Variants in SPATS2L observed in about 807,000 individuals in gnomAD.
SPATS2L encodes the protein SPATS2-like protein.
A neutral mutation model predicts 59.6 loss-of-function variants in SPATS2L; 30 were observed. The observed-to-expected ratio is 0.50, with a 90% confidence interval of 0.38 to 0.68. The LOEUF (loss-of-function observed/expected upper bound fraction) is 0.68. Ranked by LOEUF, SPATS2L falls within the 30% of genes least tolerant of loss-of-function variation. The pLI is 0.00. For missense variants in SPATS2L, 615 were observed against 700.0 expected (o/e 0.88, Z 1.37); for synonymous variants, 252 against 263.5 (o/e 0.96, Z 0.42).
intron 2 of SPATS2L, among the ~76,000 whole-genome samples, chr2:200,356,640 A>G (rs1023249067): frequency 2.6e-5 from 4 of 152,348 alleles, no homozygotes; most frequent in South Asian, 2.1e-4. Flanking sequence ...TAACTTATCA[A>G]CTAGATTCAA....
At chr2:200,461,700 T>C (rs2086250980) in intron 9 of SPATS2L, among the ~76,000 whole-genome samples, 1 of 152,224 alleles carries the variant, frequency 6.6e-6, no homozygotes, top group South Asian at 2.1e-4. Context: ...TGAAATCCCT[T>C]TACCTTTGAT....
intron 2 of SPATS2L, among the ~76,000 whole-genome samples, chr2:200,348,279 T>C (rs2105837230): frequency 6.6e-6 from 1 of 152,302 alleles, no homozygotes; most frequent in African/African-American, 2.4e-5. Flanking sequence ...TGAGAGAGCA[T>C]GTAAAAGTGA....
rs1302921196 is a variant in SPATS2L at position 200,479,873 on chromosome 2, G to A, written c.*1842G>A. On this transcript the variant is annotated 3_prime_UTR_variant, in exon 13 of 13. Transcript: ENST00000409140. ...TGTAGAGAGCTTTCTGAGGTCTCTGGGTGTACCCAGAGATTTAATAGAAAT... is the reference window on the plus strand; with the variant it reads ...TGTAGAGAGCTTTCTGAGGTCTCTGAGTGTACCCAGAGATTTAATAGAAAT... The A allele has an allele frequency of 2.5e-6, 1 of 397,438 alleles. No homozygotes were observed. Among genetic ancestry groups the A allele is most frequent in the Admixed American group, 4.4e-5 (1 of 22,684 alleles). The allele number at this position is 397,438 out of a possible 1,614,324, so 24.6% of individuals were successfully genotyped here.
rs1447872424 is a variant in SPATS2L at position 200,477,882 on chromosome 2, C to T, written c.1528C>T (p.Arg510Ter). Residue 510 changes from arginine (R) to a stop codon, truncating the protein, a stop_gained, in exon 13 of 13, where the codon CGA becomes TGA. Coordinates refer to ENST00000409140, the MANE Select transcript of SPATS2L (RefSeq NM_001100423.2). LOFTEE classifies it high-confidence loss of function. ...EAPAHSEKPR[R>*]RQHAADTSEA... is the part of the protein sequence containing the mutation. ...CCCGGCCCATTCTGAAAAGCCCCGG[C>T]GAAGGCAGCACGCTGCAGACACCTC... The T allele has an allele frequency of 2.5e-6, 4 of 1,607,362 alleles. No homozygotes were observed. Among genetic ancestry groups the T allele is most frequent in the Non-Finnish European group, 2.5e-6 (3 of 1,176,892 alleles).
At chr2:200,331,883 A>G (rs938706001) in intron 2 of SPATS2L, among the ~76,000 whole-genome samples, 1 of 152,216 alleles carries the variant, frequency 6.6e-6, no homozygotes, top group South Asian at 2.1e-4. Flanking sequence ...TCCCATTTCT[A>G]CGGTCCACTT....
At chr2:200,417,253 A>T (rs1012921521) in intron 5 of SPATS2L, among the ~76,000 whole-genome samples, 1 of 152,204 alleles carries the variant, frequency 6.6e-6, no homozygotes, top group African/African-American at 2.4e-5. Flanking sequence ...ACAATAACAC[A>T]GTATTACTTT....
intron 3 of SPATS2L, among the ~76,000 whole-genome samples, chr2:200,393,664 A>G (rs1559093346): frequency 6.6e-6 from 1 of 152,234 alleles, no homozygotes; most frequent in Admixed American, 6.5e-5. Context: ...ATAATTTGAC[A>G]TTGATTTATT....
intron 2 of SPATS2L, among the ~76,000 whole-genome samples, chr2:200,379,163 G>A (rs1574322426): frequency 6.6e-6 from 1 of 152,120 alleles, no homozygotes; most frequent in Non-Finnish European, 1.5e-5. Flanking sequence ...CTTCATCATT[G>A]ATCTTTAAGC....
At chr2:200,383,429 C>T (rs1187648151) in intron 2 of SPATS2L, among the ~76,000 whole-genome samples, 5 of 152,138 alleles carry the variant, frequency 3.3e-5, no homozygotes, top group Admixed American at 3.3e-4. Flanking sequence ...CTTTGAAACT[C>T]GGCCTCTATT....
chr2:200,417,116 A>G (rs1205908108), intron 5 of SPATS2L, among the ~76,000 whole-genome samples: 1 of 152,128 alleles, frequency 6.6e-6, no homozygotes, highest in Non-Finnish European at 1.5e-5. Flanking sequence ...CTTTCAAAGT[A>G]ACTGTTCCAC....
intron 1 of SPATS2L, among the ~76,000 whole-genome samples, chr2:200,328,589 T>C (rs1408727708): frequency 6.6e-6 from 1 of 152,150 alleles, no homozygotes; most frequent in African/African-American, 2.4e-5. Flanking sequence ...TCCCCTTCTT[T>C]CCAGTGCCTC....
chr2:200,312,222 T>C (rs1012262109), intron 1 of SPATS2L, among the ~76,000 whole-genome samples: 1 of 152,194 alleles, frequency 6.6e-6, no homozygotes, highest in Non-Finnish European at 1.5e-5. Context: ...AAAGGCCTCC[T>C]GCATTATGGA....
At chr2:200,445,466 G>T (rs2084972641) in intron 8 of SPATS2L, among the ~76,000 whole-genome samples, 1 of 152,206 alleles carries the variant, frequency 6.6e-6, no homozygotes, top group Admixed American at 6.5e-5. Flanking sequence ...GATTATCAAT[G>T]TGGTCAACAG....
chr2:200,449,043 A>G (rs963834283), intron 8 of SPATS2L, among the ~76,000 whole-genome samples: 9 of 152,246 alleles, frequency 5.9e-5, no homozygotes, highest in African/African-American at 1.7e-4. Context: ...AGGTTCCCAT[A>G]ACTTTGTGAC....
chr2:200,305,931 A>G, upstream of SPATS2L: 1 of 456,410 alleles, frequency 2.2e-6, no homozygotes, highest in Non-Finnish European at 2.9e-6. Context: ...AAGTGCTTCC[A>G]TCATGAATAA....
At chr2:200,350,099 G>C (rs2080668005) in intron 2 of SPATS2L, among the ~76,000 whole-genome samples, 1 of 152,154 alleles carries the variant, frequency 6.6e-6, no homozygotes, top group Non-Finnish European at 1.5e-5. Context: ...TTTCTAGAGA[G>C]GAAACCACAT....
intron 2 of SPATS2L, among the ~76,000 whole-genome samples, chr2:200,331,520 A>G (rs2079942129): frequency 6.6e-6 from 1 of 152,238 alleles, no homozygotes; most frequent in Non-Finnish European, 1.5e-5. Flanking sequence ...CAGTGCCAAC[A>G]ATAACAACAA....
At chr2:200,367,353 A>G (rs971685436) in intron 2 of SPATS2L, among the ~76,000 whole-genome samples, 2 of 152,176 alleles carry the variant, frequency 1.3e-5, no homozygotes, top group Admixed American at 1.3e-4. Context: ...CTTCCAGGTC[A>G]GGGCCATGAC....
At chr2:200,418,581 T>TAAATAAATA (rs1553527088) in intron 5 of SPATS2L, among the ~76,000 whole-genome samples, 1 of 145,320 alleles carries the variant, frequency 6.9e-6, no homozygotes, top group Non-Finnish European at 1.5e-5. Context: ...CCTTATTAAA[T>TAAATAAATA]AATAAATAAA....
Sources: gnomAD v4.1 joint callset for allele counts (sites outside exome capture counted in the v4.1 genomes callset) on GRCh38, gnomAD v4.1.1 for gene constraint, MANE v1.5 for transcripts, NCBI Gene and HGNC (gene_info 2026-07-23, HGNC 2026-07-21) for gene names.